Variants in FSHR observed in about 807,000 individuals in gnomAD.
The protein encoded by FSHR is follicle stimulating hormone receptor, also known as follicle-stimulating hormone receptor.
In FSHR, 46 loss-of-function variants were observed where a neutral mutation model predicts 52.1. The observed-to-expected ratio is 0.88, with a 90% confidence interval of 0.70 to 1.13. The LOEUF (loss-of-function observed/expected upper bound fraction) is 1.13, where lower values mean the gene tolerates loss of function less well. FSHR is among the 50% of genes most tolerant of loss of function. The pLI is 0.00. For missense variants in FSHR, 964 were observed against 834.6 expected (o/e 1.16, Z -1.91); for synonymous variants, 399 against 309.6 (o/e 1.29, Z -3.03).
Position 48,967,023 on chromosome 2 carries a change from GAC to G in FSHR, c.854+1673_854+1674del, listed in dbSNP as rs945508372. Among the ~76,000 whole-genome samples, 16 of 152,282 alleles carry G rather than the reference GAC, an allele frequency of 1.1e-4. No individual in the cohort carries two copies. The East Asian group carries it at 2.9e-3, about 28-fold the overall frequency. On this transcript the variant is annotated intron_variant, in intron 9 of 9. Coordinates refer to ENST00000406846, the MANE Select transcript of FSHR (RefSeq NM_000145.4). Reference sequence around the variant, plus strand: ...TAGAGGAGTCTGAGTAACACGATGAGACAACAAATTCTTGGGGTGTGTTGGAA... The same window carrying G: ...TAGAGGAGTCTGAGTAACACGATGAGAACAAATTCTTGGGGTGTGTTGGAA...
At chr2:49,025,067 T>C (rs1263731646) in intron 2 of FSHR, among the ~76,000 whole-genome samples, 1 of 152,228 alleles carries the variant, frequency 6.6e-6, no homozygotes, top group Non-Finnish European at 1.5e-5. Context: ...TTATAAAAGA[T>C]TTTCCACCTT....
intron 2 of FSHR, among the ~76,000 whole-genome samples, chr2:49,038,626 A>AAAAAAAT (rs574192521): frequency 2.8e-5 from 2 of 70,602 alleles, no homozygotes; most frequent in South Asian, 9.1e-4. Flanking sequence ...CTCTGTCTCA[A>AAAAAAAT]AATAATAATA....
chr2:48,997,216 T>A (rs1676062296), intron 4 of FSHR: 1 of 984,844 alleles, frequency 1.0e-6, no homozygotes, highest in Admixed American at 6.2e-5. Flanking sequence ...AAAATGATTT[T>A]GTGTAAGAAA....
intron 8 of FSHR, among the ~76,000 whole-genome samples, chr2:48,974,539 G>A (rs1472034941): frequency 1.3e-5 from 2 of 152,184 alleles, no homozygotes; most frequent in African/African-American, 4.8e-5. Context: ...TAAGAAAGAG[G>A]CAAAGTCACT....
chr2:49,135,888 T>C (rs1409783894), intron 1 of FSHR, among the ~76,000 whole-genome samples: 1 of 152,032 alleles, frequency 6.6e-6, no homozygotes, highest in African/African-American at 2.4e-5. Context: ...ATCATAAAGG[T>C]CTTTATCCTT....
At chr2:49,069,034 C>A (rs551979587) in intron 1 of FSHR, among the ~76,000 whole-genome samples, 1 of 152,226 alleles carries the variant, frequency 6.6e-6, no homozygotes, top group African/African-American at 2.4e-5. Flanking sequence ...CTGACTTCAG[C>A]TTTTGCCGTT....
At chr2:48,987,379 T>A (rs995547610) in intron 6 of FSHR, among the ~76,000 whole-genome samples, 43 of 151,694 alleles carry the variant, frequency 2.8e-4, no homozygotes, top group South Asian at 2.1e-4. Flanking sequence ...AATTTTTTTT[T>A]TTTATATATT....
Position 49,019,952 on chromosome 2 carries a change from T to G in FSHR, c.299+134A>C, listed in dbSNP as rs1216988313. On this transcript the variant is annotated intron_variant, in intron 3 of 9. Transcript: ENST00000406846. ...AGACACATTACAGTGCCTTTTAGGC[T>G]GATTTTGACATCTTATAATGACAAT... 6 of 842,864 alleles carry G rather than the reference T, an allele frequency of 7.1e-6. No homozygotes were observed. The East Asian group carries it at 1.2e-4, about 17-fold the overall frequency. The allele number at this position is 842,864 out of a possible 1,614,324, so 52.2% of individuals were successfully genotyped here.
At chr2:49,113,656 A>T (rs1298640282) in intron 1 of FSHR, among the ~76,000 whole-genome samples, 1 of 152,136 alleles carries the variant, frequency 6.6e-6, no homozygotes, top group Non-Finnish European at 1.5e-5. Context: ...CCCCTAAACA[A>T]TTAGTTTTAA....
chr2:49,054,794 A>G (rs2104310001), intron 2 of FSHR, among the ~76,000 whole-genome samples: 1 of 152,332 alleles, frequency 6.6e-6, no homozygotes, highest in Non-Finnish European at 1.5e-5. Context: ...ACAGAAAAAG[A>G]AATGACACAG....
At chr2:49,088,897 TATTTAAAA>T in intron 1 of FSHR, among the ~76,000 whole-genome samples, 1 of 152,354 alleles carries the variant, frequency 6.6e-6, no homozygotes, top group East Asian at 1.9e-4. Context: ...TTCTGTATTC[TATTTAAAA>T]GTTTCACACA....
chr2:49,121,894 C>T (rs1254931910), intron 1 of FSHR, among the ~76,000 whole-genome samples: 1 of 152,094 alleles, frequency 6.6e-6, no homozygotes, highest in Non-Finnish European at 1.5e-5. Context: ...TAAACAAACA[C>T]CCTTTCTTTT....
intron 1 of FSHR, among the ~76,000 whole-genome samples, chr2:49,079,387 TA>T: frequency 6.6e-6 from 1 of 152,258 alleles, no homozygotes; most frequent in South Asian, 2.1e-4. Context: ...ATGTGGAAAT[TA>T]ACTGGCTGAT....
intron 4 of FSHR, among the ~76,000 whole-genome samples, chr2:48,994,772 G>T (rs1490428787): frequency 6.6e-6 from 1 of 151,918 alleles, no homozygotes; most frequent in African/African-American, 2.4e-5. Context: ...AGGCCTGAGG[G>T]TAAAATGTCA....
intron 1 of FSHR, among the ~76,000 whole-genome samples, chr2:49,148,473 C>T (rs1166346951): frequency 6.6e-6 from 1 of 151,994 alleles, no homozygotes; most frequent in Non-Finnish European, 1.5e-5. Flanking sequence ...CCTGATTTAT[C>T]GAATCATTTG....
chr2:48,991,753 A>G (rs894940076), intron 4 of FSHR, among the ~76,000 whole-genome samples: 2 of 152,144 alleles, frequency 1.3e-5, no homozygotes, highest in African/African-American at 4.8e-5. Context: ...GTTCTTTGTC[A>G]TTTCTCTAAC....
At chr2:49,025,462 A>T (rs1392989791) in intron 2 of FSHR, among the ~76,000 whole-genome samples, 1 of 152,188 alleles carries the variant, frequency 6.6e-6, no homozygotes, top group Non-Finnish European at 1.5e-5. Context: ...GTATGTGCAT[A>T]TAGTAATTCA....
At chr2:48,983,448 T>C (rs1218928798) in intron 6 of FSHR, among the ~76,000 whole-genome samples, 1 of 152,240 alleles carries the variant, frequency 6.6e-6, no homozygotes, top group Middle Eastern at 3.2e-3. Context: ...CTGGATTCTA[T>C]AACTGTAAGG....
chr2:48,976,345 C>T lies in FSHR; in HGVS notation c.668+6567G>A, dbSNP rs190107843. ...ATCCCAGGGATGAAGCTGACTTGAT[C>T]GTGGTGGATAAGCTTTTTGATGTGC... On this transcript the variant is annotated intron_variant, in intron 8 of 9. Coordinates refer to ENST00000406846, the MANE Select transcript of FSHR (RefSeq NM_000145.4). Among the ~76,000 whole-genome samples, 478 of 152,218 alleles carry T rather than the reference C, an allele frequency of 3.1e-3. 6 individuals are homozygous for T. The highest frequency in any genetic ancestry group is 0.011 in the African/African-American group (461 of 41,522).
Sources: allele counts gnomAD v4.1 joint callset (sites outside exome capture counted in the v4.1 genomes callset), GRCh38; gene constraint gnomAD v4.1.1; transcripts MANE v1.5; gene names NCBI Gene and HGNC (gene_info 2026-07-23, HGNC 2026-07-21).